The following MDGA2 variants were observed in gnomAD, a reference collection of about 807,000 sequenced individuals.
MDGA2 encodes MAM domain-containing glycosylphosphatidylinositol anchor protein 2.
Under a neutral mutation model 117.8 loss-of-function variants are expected in MDGA2, and 40 were observed. The ratio of observed to expected loss-of-function variants is 0.34; its 90% confidence interval spans 0.26 to 0.44. The LOEUF (loss-of-function observed/expected upper bound fraction) is 0.44, where lower values mean the gene tolerates loss of function less well. Ranked by LOEUF, MDGA2 falls within the 20% of genes least tolerant of loss-of-function variation. The pLI, the probability that MDGA2 is intolerant of heterozygous loss-of-function variation, is 1.00. For missense variants in MDGA2, 1,123 were observed against 1,250.6 expected, an observed-to-expected ratio of 0.90 and a Z score of 1.54; for synonymous variants, 452 against 439.0, an observed-to-expected ratio of 1.03 and a Z score of -0.37.
chr14:47,260,721 G>A (rs2139671910), intron 2 of MDGA2, among the ~76,000 whole-genome samples: 1 of 152,088 alleles, frequency 6.6e-6, no homozygotes, highest in South Asian at 2.1e-4. Context: ...GACAGGACTG[G>A]ACTGGGTCTG....
chr14:47,219,788 CAAG>C (rs999032891), intron 2 of MDGA2, among the ~76,000 whole-genome samples: 15 of 151,822 alleles, frequency 9.9e-5, no homozygotes, highest in Admixed American at 5.2e-4. Context: ...AAGCAAGAAA[CAAG>C]AGAATAGTCT....
At chr14:47,118,092 G>A (rs1161266646) in intron 5 of MDGA2, among the ~76,000 whole-genome samples, 3 of 152,136 alleles carry the variant, frequency 2.0e-5, no homozygotes, top group Non-Finnish European at 4.4e-5. Flanking sequence ...CCTTGTAGTA[G>A]GTGTCATTAC....
intron 16 of MDGA2, among the ~76,000 whole-genome samples, chr14:46,843,010 A>G (rs904685036): frequency 6.6e-6 from 1 of 152,202 alleles, no homozygotes; most frequent in Non-Finnish European, 1.5e-5. Flanking sequence ...TGCCAAATAG[A>G]TTATTTGTGT....
chr14:47,531,483 A>T (rs566970666), intron 1 of MDGA2, among the ~76,000 whole-genome samples: 3 of 152,354 alleles, frequency 2.0e-5, no homozygotes, highest in African/African-American at 7.2e-5. Context: ...TTAGGCAGCC[A>T]TTAGAAAATG....
chr14:46,994,604 G>A (rs542573574), intron 8 of MDGA2, among the ~76,000 whole-genome samples: 1 of 151,858 alleles, frequency 6.6e-6, no homozygotes, highest in African/African-American at 2.4e-5. Context: ...AACATCAACA[G>A]ACCAAACCGT....
intron 1 of MDGA2, among the ~76,000 whole-genome samples, chr14:47,625,959 C>T (rs1393728452): frequency 2.0e-5 from 3 of 152,164 alleles, no homozygotes; most frequent in African/African-American, 4.8e-5. Flanking sequence ...AACCTCAGGA[C>T]ACCAGACAGA....
intron 2 of MDGA2, among the ~76,000 whole-genome samples, chr14:47,294,351 G>A (rs1888991152): frequency 6.6e-6 from 1 of 151,952 alleles, no homozygotes; most frequent in South Asian, 2.1e-4. Flanking sequence ...CTGACCTCGG[G>A]CCTCCCAAAG....
chr14:47,463,455 TTG>T (rs1566469832), intron 1 of MDGA2, among the ~76,000 whole-genome samples: 42 of 152,286 alleles, frequency 2.8e-4, no homozygotes, highest in African/African-American at 8.9e-4. Context: ...TTACAAATAA[TTG>T]TACATCTTAC....
intron 3 of MDGA2, 41 bp downstream of exon 3, chr14:47,217,980 C>A (rs760634812): frequency 7.1e-7 from 1 of 1,403,510 alleles, no homozygotes; most frequent in Non-Finnish European, 9.4e-7. Flanking sequence ...AAAAGAAATC[C>A]ATAATAGGCT....
At chr14:47,413,179 G>A (rs1892407625) in intron 1 of MDGA2, among the ~76,000 whole-genome samples, 1 of 152,120 alleles carries the variant, frequency 6.6e-6, no homozygotes, top group East Asian at 1.9e-4. Flanking sequence ...AGTGACAAAA[G>A]TTTTAACCAG....
intron 1 of MDGA2, among the ~76,000 whole-genome samples, chr14:47,597,948 T>A (rs1396251611): frequency 6.6e-6 from 1 of 151,430 alleles, no homozygotes; most frequent in Non-Finnish European, 1.5e-5. Flanking sequence ...ATTGATTGAT[T>A]AAGACATTGA....
chr14:47,188,467 A>G (rs1263339195), intron 3 of MDGA2, among the ~76,000 whole-genome samples: 1 of 152,182 alleles, frequency 6.6e-6, no homozygotes, highest in Non-Finnish European at 1.5e-5. Context: ...AGTAAGCTTG[A>G]AAGTGAATCT....
intron 5 of MDGA2, among the ~76,000 whole-genome samples, chr14:47,105,738 A>C (rs1434444517): frequency 1.3e-5 from 2 of 149,404 alleles, no homozygotes; most frequent in African/African-American, 4.9e-5. Context: ...ACTCGTCCCA[A>C]ATCTTCCTTC....
intron 1 of MDGA2, among the ~76,000 whole-genome samples, chr14:47,426,079 T>C (rs1348687994): frequency 2.0e-5 from 3 of 152,058 alleles, no homozygotes; most frequent in African/African-American, 7.2e-5. Flanking sequence ...GTACTGATTG[T>C]TTATTTTGTA....
intron 1 of MDGA2, among the ~76,000 whole-genome samples, chr14:47,375,179 T>C (rs1891450243): frequency 1.3e-5 from 2 of 151,160 alleles, no homozygotes; most frequent in Admixed American, 1.3e-4. Flanking sequence ...ATAAAAAGAC[T>C]TTCATATACA....
At chr14:47,327,764 T>C (rs191150336) in intron 1 of MDGA2, among the ~76,000 whole-genome samples, 11 of 152,324 alleles carry the variant, frequency 7.2e-5, no homozygotes, top group African/African-American at 2.2e-4. Flanking sequence ...GGGCTCTTTG[T>C]TGTGTGTTTC....
At chr14:47,580,226 A>AG (rs1184990569) in intron 1 of MDGA2, among the ~76,000 whole-genome samples, 1 of 152,060 alleles carries the variant, frequency 6.6e-6, no homozygotes, top group East Asian at 1.9e-4. Flanking sequence ...TTTCTGAGGC[A>AG]GGGAAGTCCA....
intron 1 of MDGA2, among the ~76,000 whole-genome samples, chr14:47,560,528 C>T (rs1441605391): frequency 6.6e-6 from 1 of 152,002 alleles, no homozygotes; most frequent in Non-Finnish European, 1.5e-5. Context: ...TGTTCATGTC[C>T]TTGGCCCGCT....
chr14:47,605,189 A>AT (rs1279318121), intron 1 of MDGA2, among the ~76,000 whole-genome samples: 2 of 151,898 alleles, frequency 1.3e-5, no homozygotes, highest in East Asian at 1.9e-4. Context: ...TTGGCAAATC[A>AT]TTTTTTTTCA....
Sources: allele counts gnomAD v4.1 joint callset (sites outside exome capture counted in the v4.1 genomes callset), GRCh38; gene constraint gnomAD v4.1.1; transcripts MANE v1.5; gene names NCBI Gene and HGNC (gene_info 2026-07-23, HGNC 2026-07-21).